MBD2: variants seen among roughly 807,000 people sequenced by gnomAD.
The protein encoded by MBD2 is methyl-CpG-binding domain protein 2.
In MBD2, 9 loss-of-function variants were observed where a neutral mutation model predicts 39.3. The observed-to-expected ratio is 0.23, with a 90% CI of 0.14 to 0.40. The LOEUF (loss-of-function observed/expected upper bound fraction) is 0.40, where lower values mean the gene tolerates loss of function less well. Ranked by LOEUF, MBD2 falls within the 10% of genes least tolerant of loss-of-function variation. The pLI, the probability that MBD2 is intolerant of heterozygous loss-of-function variation, is 1.00. For synonymous variants in MBD2, 233 were observed against 211.1 expected (o/e 1.10, Z -0.90); for missense variants, 458 against 532.6 (o/e 0.86, Z 1.38).
At chr18:54,217,619 T>C (rs2086572047) in intron 1 of MBD2, among the ~76,000 whole-genome samples, 1 of 152,284 alleles carries the variant, frequency 6.6e-6, no homozygotes, top group African/African-American at 2.4e-5. Flanking sequence ...AGCCCCACTA[T>C]AGAATCTAAA....
chr18:54,218,689 G>A (rs1472025476), intron 1 of MBD2, among the ~76,000 whole-genome samples: 2 of 152,162 alleles, frequency 1.3e-5, no homozygotes, highest in East Asian at 1.9e-4. Flanking sequence ...TAGGCTGGGC[G>A]CGGTGGCTCA....
chr18:54,154,679 G>A lies in MBD2; in HGVS notation c.*645C>T, dbSNP rs1408960086. The stretch of plus-strand genomic sequence containing the variant: ...CTGGTGAAAGCACAATTCTCACAAC[G>A]TCCAGAGGCAATAGTTCATACTGCA... On this transcript the variant is annotated 3_prime_UTR_variant, in exon 7 of 7. Transcript: ENST00000256429. 1 of 152,286 alleles carries A rather than the reference G, an allele frequency of 6.6e-6. No homozygotes were observed. Among genetic ancestry groups the A allele is most frequent in the Non-Finnish European group, 1.5e-5 (1 of 68,038 alleles). The allele number at this position is 152,286 out of a possible 1,614,324, so 9.4% of individuals were successfully genotyped here. A position where few individuals can be genotyped will look rare whatever the true frequency, so the allele number is the denominator to read the frequency against.
chr18:54,224,523 C>G lies in MBD2; in HGVS notation c.37G>C (p.Glu13Gln), dbSNP rs2086646584. Residue 13 changes from glutamate (E) to glutamine (Q), a missense_variant, in exon 1 of 7, where the codon GAG (glutamate) becomes CAG (glutamine). This residue lies in a region of MBD2 where 269 missense variants were observed against 236.0 expected (regional missense o/e 1.14). Coordinates refer to ENST00000256429, the MANE Select transcript of MBD2 (RefSeq NM_003927.5). Reference protein sequence around the residue: ...AHPGGGRCCPEQEEGESAAGG... With the variant: ...AHPGGGRCCPQQEEGESAAGG... ...GCCGCACTCTCCCCCTCCTCCTGCT[C>G]CGGGCAGCAGCGGCCTCCCCCCGGG... is the stretch of plus-strand genomic sequence containing the variant. The G allele has an allele frequency of 8.1e-7, 1 of 1,233,812 alleles. No individual in the cohort carries two copies. Among genetic ancestry groups the G allele is most frequent in the Non-Finnish European group, 1.0e-6 (1 of 989,694 alleles). 76.4% of individuals were successfully genotyped at this position (1,233,812 alleles called of 1,614,324 possible). A position where few individuals can be genotyped will look rare whatever the true frequency, so the allele number is the denominator to read the frequency against.
intron 2 of MBD2, among the ~76,000 whole-genome samples, chr18:54,189,412 CG>C (rs1270932384): frequency 6.6e-6 from 1 of 150,816 alleles, no homozygotes; most frequent in Non-Finnish European, 1.5e-5. Context: ...TCAGTAGAGA[CG>C]GGGTTTCACC....
chr18:54,222,418 A>C (rs543236065), intron 1 of MBD2: 2 of 500,866 alleles, frequency 4.0e-6, no homozygotes, highest in East Asian at 1.1e-4. Flanking sequence ...GCTCACAATA[A>C]CTTTCTTACC....
At chr18:54,181,401 A>G (rs903414637) in intron 3 of MBD2, among the ~76,000 whole-genome samples, 1 of 152,150 alleles carries the variant, frequency 6.6e-6, no homozygotes, top group African/African-American at 2.4e-5. Flanking sequence ...GCTACCCTTT[A>G]TTATGTCCAT....
At position 54,155,213 on chromosome 18, in the gene MBD2, T is replaced by C. The variant is rs1368174434; in HGVS notation, c.*111A>G. The C allele has an allele frequency of 2.0e-5, 3 of 152,422 alleles. No homozygotes were observed. Among genetic ancestry groups the C allele is most frequent in the Non-Finnish European group, 4.4e-5 (3 of 68,022 alleles). The allele number at this position is 152,422 out of a possible 1,614,324, so 9.4% of individuals were successfully genotyped here. On this transcript the variant is annotated 3_prime_UTR_variant, in exon 7 of 7. Coordinates refer to ENST00000256429, the MANE Select transcript of MBD2 (RefSeq NM_003927.5). ...GTTAGTGCTATTAAAAAGCTCTATG[T>C]GCTCGGGTACATTTTTTTTCTTACA...
intron 3 of MBD2, among the ~76,000 whole-genome samples, chr18:54,177,637 C>T (rs1346822165): frequency 1.3e-5 from 2 of 151,946 alleles, no homozygotes; most frequent in African/African-American, 2.4e-5. Flanking sequence ...CCCGCCACCA[C>T]GCCCGGCTAA....
At position 54,224,615 on chromosome 18, in the gene MBD2, C is replaced by A; in HGVS notation, c.-56G>T. Reference sequence around the variant, plus strand: ...CTTCCGTAACCGAGCCCTTGGAATCCCGGAGACCCGCCCCGCCCGCAGCGC... The same window carrying A: ...CTTCCGTAACCGAGCCCTTGGAATCACGGAGACCCGCCCCGCCCGCAGCGC... On this transcript the variant is annotated 5_prime_UTR_variant, in exon 1 of 7. The change creates a premature stop within an existing upstream ORF in the 5' untranslated region. Coordinates refer to ENST00000256429, the MANE Select transcript of MBD2 (RefSeq NM_003927.5). The A allele has an allele frequency of 8.5e-7, 1 of 1,183,400 alleles. No individual in the cohort carries two copies. The highest frequency in any genetic ancestry group is 4.3e-5 in the South Asian group (1 of 23,274). 73.3% of individuals were successfully genotyped at this position (1,183,400 alleles called of 1,614,324 possible).
intron 6 of MBD2, among the ~76,000 whole-genome samples, chr18:54,156,843 A>G (rs1432897478): frequency 2.0e-5 from 3 of 152,086 alleles, no homozygotes; most frequent in Non-Finnish European, 4.4e-5. Context: ...ACAAGAGCGA[A>G]ACTCCATCTC....
chr18:54,175,652 A>G (rs1184607351), intron 3 of MBD2, among the ~76,000 whole-genome samples: 1 of 152,140 alleles, frequency 6.6e-6, no homozygotes, highest in Non-Finnish European at 1.5e-5. Flanking sequence ...TCCCACTAGT[A>G]GAGAGAACTT....
chr18:54,159,621 G>T, intron 6 of MBD2, 144 bp downstream of exon 6: 1 of 779,194 alleles, frequency 1.3e-6, no homozygotes. Context: ...GTTTTGCCAT[G>T]TTGCTCAAGC....
intron 1 of MBD2, among the ~76,000 whole-genome samples, chr18:54,215,879 G>A (rs1041060343): frequency 2.6e-5 from 4 of 151,310 alleles, no homozygotes; most frequent in African/African-American, 9.7e-5. Flanking sequence ...TCGGCTCACT[G>A]CAACCTCCAC....
At chr18:54,187,683 G>C (rs1021307572) in intron 3 of MBD2, 1 of 985,596 alleles carries the variant, frequency 1.0e-6, no homozygotes, top group Admixed American at 6.1e-5. Flanking sequence ...ATGCAGGTAC[G>C]CATCTTTTAT....
intron 1 of MBD2, among the ~76,000 whole-genome samples, chr18:54,205,983 C>T (rs1017249996): frequency 1.3e-5 from 2 of 150,296 alleles, no homozygotes; most frequent in Non-Finnish European, 3.0e-5. Context: ...CACACACACA[C>T]AAATATGTGG....
chr18:54,213,445 C>T (rs922463639), intron 1 of MBD2, among the ~76,000 whole-genome samples: 1 of 152,182 alleles, frequency 6.6e-6, no homozygotes, highest in Admixed American at 6.5e-5. Flanking sequence ...TCCATGAAAC[C>T]GGTCCCTGGT....
At chr18:54,182,353 C>A (rs1257175745) in intron 3 of MBD2, among the ~76,000 whole-genome samples, 4 of 152,250 alleles carry the variant, frequency 2.6e-5, no homozygotes, top group Non-Finnish European at 5.9e-5. Context: ...GAAGTGACAT[C>A]TAAGTTCTTG....
intron 6 of MBD2, 78 bp downstream of exon 6, chr18:54,159,687 G>T: frequency 2.0e-6 from 3 of 1,517,786 alleles, no homozygotes; most frequent in Non-Finnish European, 2.7e-6. Context: ...CAAGTGCTGG[G>T]ATTACAGGCA....
At chr18:54,221,635 C>T (rs2086613825) in intron 1 of MBD2, among the ~76,000 whole-genome samples, 1 of 151,702 alleles carries the variant, frequency 6.6e-6, no homozygotes. Context: ...ATTAGCCGGG[C>T]ATGGTGGCAG....
Sources: gnomAD v4.1 joint callset for allele counts (sites outside exome capture counted in the v4.1 genomes callset) on GRCh38, gnomAD v4.1.1 for gene constraint, gnomAD v4.1.1 regional missense constraint, MANE v1.5 for transcripts, NCBI Gene and HGNC (gene_info 2026-07-23, HGNC 2026-07-21) for gene names.